Variants in CDH13 observed in about 807,000 individuals in gnomAD.
The protein encoded by CDH13 is cadherin-13.
Under a neutral mutation model 63.8 loss-of-function variants are expected in CDH13, and 24 were observed. That is an observed-to-expected ratio of 0.38 (90% confidence interval 0.27 to 0.53). The LOEUF (loss-of-function observed/expected upper bound fraction) is 0.53. Among genes scored for constraint, CDH13 ranks in the 20% least tolerant of loss-of-function variants. The pLI is 0.85. For synonymous variants in CDH13, 503 were observed against 355.3 expected (o/e 1.42, Z -4.67); for missense variants, 1,049 against 903.1 (o/e 1.16, Z -2.07).
chr16:83,388,604 T>C (rs2091725217), intron 6 of CDH13, among the ~76,000 whole-genome samples: 1 of 152,202 alleles, frequency 6.6e-6, no homozygotes, highest in African/African-American at 2.4e-5. Context: ...CCTTGCACTC[T>C]TCCCATGATG....
chr16:83,026,702 A>G (rs981363423), intron 2 of CDH13, among the ~76,000 whole-genome samples: 1 of 152,190 alleles, frequency 6.6e-6, no homozygotes, highest in African/African-American at 2.4e-5. Context: ...GAAAGGAGGT[A>G]TGGACTTGTA....
chr16:83,032,812 C>T (rs1481013495), intron 3 of CDH13, among the ~76,000 whole-genome samples: 1 of 152,048 alleles, frequency 6.6e-6, no homozygotes, highest in African/African-American at 2.4e-5. Context: ...AACTCATGGA[C>T]TGAGAGTGAA....
intron 7 of CDH13, among the ~76,000 whole-genome samples, chr16:83,504,124 A>T (rs561912916): frequency 3.3e-5 from 5 of 152,262 alleles, no homozygotes; most frequent in East Asian, 1.9e-4. Flanking sequence ...GGTAAAATTT[A>T]AAAAAAGGAA....
rs908190402 is a variant in CDH13, at chr16:83,171,267, C to T, written c.483+45766C>T. Among the ~76,000 whole-genome samples the T allele has an allele frequency of 3.9e-5, 6 of 152,162 alleles. No homozygotes were observed. In the South Asian group the frequency reaches 1.0e-3, roughly 26 times the overall value. On this transcript the variant is annotated intron_variant, in intron 4 of 13. Transcript: ENST00000567109. The stretch of plus-strand genomic sequence containing the variant: ...AAGAGAATGGGGTGGGGAAGTACTA[C>T]ACACTTTTAAAGGACCAGATCTTGT...
At chr16:82,840,755 G>A (rs1319989037) in intron 1 of CDH13, among the ~76,000 whole-genome samples, 1 of 151,718 alleles carries the variant, frequency 6.6e-6, no homozygotes, top group Non-Finnish European at 1.5e-5. Flanking sequence ...GGATCTAGAT[G>A]ACAGTAAATA....
chr16:83,717,137 G>A (rs1471952216), intron 10 of CDH13: 1 of 152,326 alleles, frequency 6.6e-6, no homozygotes, highest in Non-Finnish European at 1.5e-5. Context: ...GTGCACACCT[G>A]TAGTCCCAGC....
chr16:83,155,859 T>C (rs746287024), intron 4 of CDH13, among the ~76,000 whole-genome samples: 14 of 152,178 alleles, frequency 9.2e-5, no homozygotes, highest in Non-Finnish European at 1.6e-4. Flanking sequence ...CTTGGCTGCA[T>C]TTTAGAATCA....
intron 4 of CDH13, among the ~76,000 whole-genome samples, chr16:83,196,747 C>T (rs1056691756): frequency 2.0e-5 from 3 of 152,172 alleles, no homozygotes; most frequent in South Asian, 2.1e-4. Flanking sequence ...ACTACCGGTA[C>T]ACACCTATTA....
At chr16:83,432,637 A>C (rs2072155737) in intron 6 of CDH13, among the ~76,000 whole-genome samples, 1 of 152,072 alleles carries the variant, frequency 6.6e-6, no homozygotes, top group South Asian at 2.1e-4. Context: ...GTGTCACTTC[A>C]CTCTGGGTGG....
intron 8 of CDH13, among the ~76,000 whole-genome samples, chr16:83,607,413 G>A (rs968427680): frequency 2.0e-5 from 3 of 151,558 alleles, no homozygotes; most frequent in African/African-American, 7.3e-5. Context: ...AGCAAGACTC[G>A]GTCTCAAAAA....
At chr16:83,154,259 T>C in intron 4 of CDH13, among the ~76,000 whole-genome samples, 1 of 152,054 alleles carries the variant, frequency 6.6e-6, no homozygotes, top group Non-Finnish European at 1.5e-5. Flanking sequence ...TCACATGAGA[T>C]AAAAATGTAT....
chr16:83,390,980 A>G (rs1427319343), intron 6 of CDH13, among the ~76,000 whole-genome samples: 5 of 152,148 alleles, frequency 3.3e-5, no homozygotes. Context: ...TGCTTGTCTT[A>G]GCTTTCAGAG....
At chr16:83,010,056 A>T (rs1327735356) in intron 2 of CDH13, among the ~76,000 whole-genome samples, 4 of 143,672 alleles carry the variant, frequency 2.8e-5, no homozygotes, top group Non-Finnish European at 3.0e-5. Flanking sequence ...AATCACTTCA[A>T]CCCAGGAGGT....
chr16:83,565,719 A>C (rs987466205), intron 7 of CDH13, among the ~76,000 whole-genome samples: 1 of 151,702 alleles, frequency 6.6e-6, no homozygotes, highest in African/African-American at 2.4e-5. Context: ...TTTCAGGCTT[A>C]TGACTTTTCT....
chr16:83,752,537 C>A (rs1411402453), intron 11 of CDH13, among the ~76,000 whole-genome samples: 2 of 152,214 alleles, frequency 1.3e-5, no homozygotes, highest in Non-Finnish European at 2.9e-5. Context: ...TAAACTTCCG[C>A]CATACCACTT....
chr16:83,266,288 C>G (rs1481553313), intron 5 of CDH13, among the ~76,000 whole-genome samples: 3 of 152,144 alleles, frequency 2.0e-5, no homozygotes, highest in Non-Finnish European at 4.4e-5. Flanking sequence ...CATTACTACC[C>G]AAGACCAAAG....
At chr16:82,995,981 A>G (rs1912164785) in intron 2 of CDH13, among the ~76,000 whole-genome samples, 1 of 152,180 alleles carries the variant, frequency 6.6e-6, no homozygotes, top group Admixed American at 6.5e-5. Flanking sequence ...CTGTTTGTCA[A>G]GTGAGATTCA....
chr16:83,429,106 T>G lies in CDH13; in HGVS notation c.782-57371T>G, dbSNP rs114264355. Among the ~76,000 whole-genome samples, 538 of 152,324 alleles carry G rather than the reference T, an allele frequency of 3.5e-3. 7 individuals are homozygous for G. Among genetic ancestry groups the G allele is most frequent in the African/African-American group, 0.013 (520 of 41,566 alleles). ...AAAGATGGCATTAATTCATGTGCAT[T>G]TGGCAGTGGGAGAGGATATTGCAGT... On this transcript the variant is annotated intron_variant, in intron 6 of 13. Transcript: ENST00000567109.
intron 6 of CDH13, among the ~76,000 whole-genome samples, chr16:83,447,932 C>G (rs998864202): frequency 2.6e-5 from 4 of 152,022 alleles, no homozygotes; most frequent in African/African-American, 7.2e-5. Flanking sequence ...CCCCACCTCT[C>G]TGGTCCCCAG....
Sources: allele counts gnomAD v4.1 joint callset (sites outside exome capture counted in the v4.1 genomes callset), GRCh38; gene constraint gnomAD v4.1.1; transcripts MANE v1.5; gene names NCBI Gene and HGNC (gene_info 2026-07-23, HGNC 2026-07-21).